Variants in ADGRE1 observed in about 807,000 individuals in gnomAD.
The protein encoded by ADGRE1 is EGF-like module receptor 1.
A neutral mutation model predicts 102.7 loss-of-function variants in ADGRE1; 82 were observed. The ratio of observed to expected loss-of-function variants is 0.80; its 90% CI spans 0.67 to 0.96. The LOEUF is 0.96. Among genes scored for constraint, ADGRE1 ranks in the 40% least tolerant of loss-of-function variants. The pLI is 0.00. For synonymous variants in ADGRE1, 398 were observed against 399.6 expected (o/e 1.00, Z 0.05); for missense variants, 1,032 against 1,085.3 (o/e 0.95, Z 0.69).
chr19:6,935,335 T>C (rs539783719), intron 18 of ADGRE1, among the ~76,000 whole-genome samples: 2 of 152,240 alleles, frequency 1.3e-5, no homozygotes, highest in African/African-American at 4.8e-5. Flanking sequence ...TTAACATTGC[T>C]TATTTTAGGT....
chr19:6,904,797 C>T lies in ADGRE1; in HGVS notation c.949+615C>T, dbSNP rs573723323. ...CTGGGATTACAGGCATGAGCCACTG[C>T]GCCTGGCCAAAACATAGTGTGCTTT... On this transcript the variant is annotated intron_variant, in intron 8 of 20. Transcript: ENST00000312053. 8.5e-5 allele frequency among the ~76,000 whole-genome samples: 13 copies of T among 152,226 alleles called. No individual in the cohort carries two copies. The East Asian group carries it at 1.9e-3, about 23-fold the overall frequency.
intron 2 of ADGRE1, among the ~76,000 whole-genome samples, chr19:6,894,757 T>C (rs1037995409): frequency 4.6e-5 from 7 of 152,012 alleles, no homozygotes; most frequent in Non-Finnish European, 7.4e-5. Flanking sequence ...TGGAGGACAA[T>C]GGGGTATATA....
intron 5 of ADGRE1, chr19:6,898,707 AT>A: frequency 2.4e-6 from 2 of 844,960 alleles, no homozygotes; most frequent in African/African-American, 1.7e-5. Context: ...TCTCTTTATT[AT>A]TTACCTGCTT....
At chr19:6,888,776 A>G (rs1332453421) in intron 1 of ADGRE1, among the ~76,000 whole-genome samples, 1 of 152,216 alleles carries the variant, frequency 6.6e-6, no homozygotes, top group Admixed American at 6.5e-5. Flanking sequence ...TTGGGAGTTT[A>G]GATCTGTGGG....
At chr19:6,905,600 C>T (rs899108649) in intron 8 of ADGRE1, among the ~76,000 whole-genome samples, 3 of 152,000 alleles carry the variant, frequency 2.0e-5, no homozygotes, top group African/African-American at 7.3e-5. Flanking sequence ...ATCCTCCCAC[C>T]TCAGCCTCTC....
intron 10 of ADGRE1, among the ~76,000 whole-genome samples, chr19:6,910,287 A>G (rs145940776): frequency 1.2e-3 from 182 of 152,196 alleles, no homozygotes; most frequent in African/African-American, 4.2e-3. Context: ...ATGTTTATAA[A>G]TATTCCAATT....
At position 6,887,619 on chromosome 19, in the gene ADGRE1, T is replaced by C. The variant is rs766180503; in HGVS notation, c.11T>C (p.Phe4Ser). 1.9e-6 allele frequency: 3 copies of C among 1,612,844 alleles called. No homozygotes were observed. Among genetic ancestry groups the C allele is most frequent in the Non-Finnish European group, 1.7e-6 (2 of 1,179,540 alleles). Residue 4 changes from phenylalanine to serine, a missense_variant, in exon 1 of 21, where the codon TTC (phenylalanine) becomes TCC (serine). Physicochemically the swap from Phe to Ser is radical, Grantham distance 155. Coordinates refer to ENST00000312053, the MANE Select transcript of ADGRE1 (RefSeq NM_001974.5). ...CAGAACTACAGCATAATGCGTGGCT[T>C]CAACCTGCTCCTCTTCTGGGGTGAG... MRG[F>S]NLLLFWGCCV...
chr19:6,890,605 A>G, intron 2 of ADGRE1, 62 bp downstream of exon 2: 4 of 1,551,790 alleles, frequency 2.6e-6, no homozygotes, highest in Non-Finnish European at 3.5e-6. Context: ...TCCCCGGGGA[A>G]ACATCCCAGG....
intron 5 of ADGRE1, chr19:6,898,254 A>G (rs1973641181): frequency 2.7e-6 from 4 of 1,505,904 alleles, no homozygotes; most frequent in Admixed American, 4.0e-5. Context: ...TTTTGGCAAA[A>G]TACAGTCTTC....
chr19:6,897,962 C>T, intron 5 of ADGRE1: 2 of 173,300 alleles, frequency 1.2e-5, no homozygotes, highest in Non-Finnish European at 1.2e-5. Context: ...TCCTTCCTTC[C>T]TACTTCCCCA....
intron 1 of ADGRE1, 52 bp from the exon 2 acceptor site, chr19:6,890,421 GTTTTTTTT>G (rs57355800): frequency 4.2e-5 from 19 of 450,522 alleles, no homozygotes; most frequent in Middle Eastern, 4.4e-4. Flanking sequence ...AGCCCAAAAG[GTTTTTTTT>G]TTTTTTTTTT....
In ADGRE1 at chr19:6,892,764, G is replaced by A. The variant is rs143006715; in HGVS notation, c.94+2221G>A. Among the ~76,000 whole-genome samples the A allele has an allele frequency of 6.9e-4, 105 of 152,306 alleles. 1 individual carries two copies. The South Asian group carries it at 0.011, about 16-fold the overall frequency. On this transcript the variant is annotated intron_variant, in intron 2 of 20. Transcript: ENST00000312053. The stretch of plus-strand genomic sequence containing the variant: ...ACTCAATGTGGTCTGCATACACAAC[G>A]GATTGCTATTCGGCCATAAAAAGAA...
intron 10 of ADGRE1, among the ~76,000 whole-genome samples, chr19:6,910,302 C>T (rs959259175): frequency 2.6e-5 from 4 of 151,940 alleles, no homozygotes; most frequent in Admixed American, 1.3e-4. Context: ...CCAATTCCCC[C>T]CTCCCGCTCC....
In ADGRE1 at chr19:6,911,385, G is replaced by GTTTTTTTTTTTTTTTTTTTTT. The variant is rs772959056; in HGVS notation, c.1123-2248_1123-2247insTTTTTTTTTTTTTTTTTTTTT. ...TTTATTAGGTTCTGGATTCCTTTTA[G>GTTTTTTTTTTTTTTTTTTTTT]TTTTTTTTTTTTTTTTTTTTGCTTG... On this transcript the variant is annotated intron_variant, in intron 10 of 20. Coordinates refer to ENST00000312053, the MANE Select transcript of ADGRE1 (RefSeq NM_001974.5). Among the ~76,000 whole-genome samples the GTTTTTTTTTTTTTTTTTTTTT allele has an allele frequency of 2.8e-4, 22 of 79,852 alleles. 3 individuals carry two copies. Among genetic ancestry groups the GTTTTTTTTTTTTTTTTTTTTT allele is most frequent in the Non-Finnish European group, 4.2e-4 (18 of 42,810 alleles). 52.4% of individuals were successfully genotyped at this position (79,852 alleles called of 152,430 possible).
intron 18 of ADGRE1, among the ~76,000 whole-genome samples, chr19:6,936,518 C>T (rs1975408833): frequency 6.6e-6 from 1 of 151,430 alleles, no homozygotes; most frequent in Admixed American, 6.6e-5. Flanking sequence ...ATAAGTTTCA[C>T]ATCAGATGAA....
At chr19:6,927,187 C>G (rs1568360889) in intron 16 of ADGRE1, among the ~76,000 whole-genome samples, 1 of 149,702 alleles carries the variant, frequency 6.7e-6, no homozygotes, top group Non-Finnish European at 1.5e-5. Context: ...CTCCCTCCCA[C>G]TCTCCCTCCC....
chr19:6,939,886 A>G, intron 20 of ADGRE1, 138 bp from the exon 21 acceptor site: 1 of 1,038,288 alleles, frequency 9.6e-7, no homozygotes, highest in Non-Finnish European at 1.5e-6. Flanking sequence ...GGACAATCGC[A>G]TTTAACATTT....
chr19:6,892,532 T>A (rs1013043360), intron 2 of ADGRE1, among the ~76,000 whole-genome samples: 2 of 152,172 alleles, frequency 1.3e-5, no homozygotes, highest in African/African-American at 4.8e-5. Flanking sequence ...AGTCACCCCC[T>A]CCTTGGTCAG....
intron 11 of ADGRE1, among the ~76,000 whole-genome samples, chr19:6,914,426 G>T (rs1974305200): frequency 6.6e-6 from 1 of 152,202 alleles, no homozygotes; most frequent in African/African-American, 2.4e-5. Flanking sequence ...ACTTAGGGTT[G>T]TTTGTTACTG....
Sources: gnomAD v4.1 joint callset for allele counts (sites outside exome capture counted in the v4.1 genomes callset) on GRCh38, gnomAD v4.1.1 for gene constraint, MANE v1.5 for transcripts, NCBI Gene and HGNC (gene_info 2026-07-23, HGNC 2026-07-21) for gene names.